Variants in IGSF3 observed in about 807,000 individuals in gnomAD.
IGSF3 encodes immunoglobulin superfamily member 3, also known as glu-Trp-Ile EWI motif-containing protein 3.
A neutral mutation model predicts 114.4 loss-of-function variants in IGSF3; 23 were observed. That is an observed-to-expected ratio of 0.20 (90% confidence interval 0.14 to 0.28). IGSF3 has a LOEUF of 0.28. IGSF3 is among the 10% of genes least tolerant of loss of function. The pLI is 1.00. For synonymous variants in IGSF3, 571 were observed against 645.2 expected (o/e 0.88, Z 1.74); for missense variants, 1,172 against 1,591.5 (o/e 0.74, Z 4.48).
In IGSF3 at chr1:116,642,565, C is replaced by A. The variant is rs1648157881; in HGVS notation, c.43+23719G>T. Among the ~76,000 whole-genome samples the A allele has an allele frequency of 6.6e-6, 1 of 152,176 alleles. No individual in the cohort carries two copies. The highest frequency in any genetic ancestry group is 2.4e-5 in the African/African-American group (1 of 41,434). On this transcript the variant is annotated intron_variant, in intron 2 of 10. Coordinates refer to ENST00000369486, the MANE Select transcript of IGSF3 (RefSeq NM_001007237.3). The surrounding 1 kb of genome is among the most constrained non-coding windows in gnomAD (Gnocchi z 5.4). Reference sequence around the variant, plus strand: ...GGCCTAGAACGGAGCTAAAAACTGTCATAGTGGTGGGAAGAAGCAGATTGG... The same window carrying A: ...GGCCTAGAACGGAGCTAAAAACTGTAATAGTGGTGGGAAGAAGCAGATTGG...
At chr1:116,613,742 A>G in intron 4 of IGSF3, 23 bp downstream of exon 4, 2 of 1,605,140 alleles carry the variant, frequency 1.2e-6, no homozygotes, top group Non-Finnish European at 1.7e-6. Context: ...AAAGGACAGG[A>G]CAAGAGGCTC....
chr1:116,657,848 T>A lies in IGSF3; in HGVS notation c.43+8436A>T, dbSNP rs1010679335. Among the ~76,000 whole-genome samples the A allele has an allele frequency of 6.6e-6, 1 of 151,956 alleles. No homozygotes were observed. Among genetic ancestry groups the A allele is most frequent in the African/African-American group, 2.4e-5 (1 of 41,342 alleles). ...TTAAATACACAAAAATAGCACCAAC[T>A]TAAGGCAAGCCTGGGCAAACTGCAC... On this transcript the variant is annotated intron_variant, in intron 2 of 10. Coordinates refer to ENST00000369486, the MANE Select transcript of IGSF3 (RefSeq NM_001007237.3). This position sits in a 1 kb window ranked among gnomAD's most constrained non-coding sequence, Gnocchi z 4.2.
chr1:116,616,039 T>G lies in IGSF3; in HGVS notation c.421+41A>C. On this transcript the variant is annotated intron_variant, in intron 3 of 10. Transcript: ENST00000369486. This position sits in a 1 kb window ranked among gnomAD's most constrained non-coding sequence, Gnocchi z 6.6. ...AAAATTACGCTACTAAAGAACTGAG[T>G]CAGGCCAGACGCTGGCAACGTGAAG... 2 of 1,545,918 alleles carry G rather than the reference T, an allele frequency of 1.3e-6. No individual in the cohort carries two copies. Among genetic ancestry groups the G allele is most frequent in the Non-Finnish European group, 1.8e-6 (2 of 1,135,040 alleles).
In IGSF3 at chr1:116,593,441, A is replaced by G. The variant is rs528836752; in HGVS notation, c.2030-4337T>C. Among the ~76,000 whole-genome samples, 9 of 152,330 alleles carry G rather than the reference A, an allele frequency of 5.9e-5. No individual in the cohort carries two copies. In the South Asian group the frequency reaches 6.2e-4, roughly 11 times the overall value. On this transcript the variant is annotated intron_variant, in intron 7 of 10. Coordinates refer to ENST00000369486, the MANE Select transcript of IGSF3 (RefSeq NM_001007237.3). The surrounding 1 kb of genome is among the most constrained non-coding windows in gnomAD (Gnocchi z 4.5). ...GACAACAGACAGTAATGCTAGAGAT[A>G]GAGGCGGCCAGTGGCTGCGGCAGGA... is the stretch of plus-strand genomic sequence containing the variant.
In IGSF3 at chr1:116,610,875, GGATGGGCTCTTT is replaced by G. The variant is rs1660994155; in HGVS notation, c.833-2556_833-2545del. Reference sequence around the variant, plus strand: ...GCATCTCTATCAGAGTCTACCTGATGGATGGGCTCTTTCATTAGAATTTACAAAAACAAAAGG... The same window carrying G: ...GCATCTCTATCAGAGTCTACCTGATGCATTAGAATTTACAAAAACAAAAGG... On this transcript the variant is annotated intron_variant, in intron 4 of 10. Coordinates refer to ENST00000369486, the MANE Select transcript of IGSF3 (RefSeq NM_001007237.3). This position sits in a 1 kb window ranked among gnomAD's most constrained non-coding sequence, Gnocchi z 4.3. Among the ~76,000 whole-genome samples the G allele has an allele frequency of 6.6e-6, 1 of 152,190 alleles. No individual in the cohort carries two copies. The highest frequency in any genetic ancestry group is 2.4e-5 in the African/African-American group (1 of 41,450).
chr1:116,589,167 C>T lies in IGSF3; in HGVS notation c.2030-63G>A. Reference sequence around the variant, plus strand: ...TCCCAGAAACGTGGCCCATCCACCTCCAGGCTCTGAGCCAGGTTTCCTCCA... The same window carrying T: ...TCCCAGAAACGTGGCCCATCCACCTTCAGGCTCTGAGCCAGGTTTCCTCCA... On this transcript the variant is annotated intron_variant, in intron 7 of 10. Transcript: ENST00000369486. The surrounding 1 kb of genome is among the most constrained non-coding windows in gnomAD (Gnocchi z 5.7). 1 of 1,496,028 alleles carries T rather than the reference C, an allele frequency of 6.7e-7. No individual in the cohort carries two copies. The highest frequency in any genetic ancestry group is 2.3e-5 in the East Asian group (1 of 44,168). 92.7% of individuals were successfully genotyped at this position (1,496,028 alleles called of 1,614,324 possible).
chr1:116,586,385 A>ATT (rs572206093), intron 8 of IGSF3, among the ~76,000 whole-genome samples: 185 of 149,940 alleles, frequency 1.2e-3, no homozygotes, highest in African/African-American at 4.4e-3. Flanking sequence ...TTTGGGGGGG[A>ATT]TTTTTGTGTG....
intron 2 of IGSF3, among the ~76,000 whole-genome samples, chr1:116,639,939 C>T (rs145097260): frequency 0.028 from 4,250 of 149,978 alleles, 205 homozygotes; most frequent in African/African-American, 0.098. Flanking sequence ...GAGGCTGAGG[C>T]AGGAGAATCA....
At chr1:116,586,188 G>A (rs1331270367) in intron 8 of IGSF3, among the ~76,000 whole-genome samples, 1 of 152,186 alleles carries the variant, frequency 6.6e-6, no homozygotes, top group Non-Finnish European at 1.5e-5. Context: ...AATACTGCCT[G>A]AATGTTTTAC....
Position 116,657,559 on chromosome 1 carries a change from T to TG in IGSF3, c.43+8724dup, listed in dbSNP as rs1272789851. ...GTGAACGATCATACTGGTTATCATG[T>TG]GGGAAAAAAGGTTTAATTACTCCCT... On this transcript the variant is annotated intron_variant, in intron 2 of 10. Transcript: ENST00000369486. The surrounding 1 kb of genome is among the most constrained non-coding windows in gnomAD (Gnocchi z 4.2). Among the ~76,000 whole-genome samples, 4 of 152,120 alleles carry TG rather than the reference T, an allele frequency of 2.6e-5. No homozygotes were observed. The highest frequency in any genetic ancestry group is 6.5e-5 in the Admixed American group (1 of 15,282).
At chr1:116,653,258 A>C (rs1648707263) in intron 2 of IGSF3, among the ~76,000 whole-genome samples, 1 of 152,240 alleles carries the variant, frequency 6.6e-6, no homozygotes, top group Non-Finnish European at 1.5e-5. Flanking sequence ...ATACATTTGC[A>C]AAAGGGAAAA....
In IGSF3 at chr1:116,661,215, C is replaced by T. The variant is rs556884570; in HGVS notation, c.43+5069G>A. Among the ~76,000 whole-genome samples the T allele has an allele frequency of 6.6e-6, 1 of 152,154 alleles. No individual in the cohort carries two copies. The highest frequency in any genetic ancestry group is 2.4e-5 in the African/African-American group (1 of 41,420). ...GGCTGAGGCAGGAGAATCGCGTGAA[C>T]CCAGCAGGCGGAGGTTACGGTGAGC... On this transcript the variant is annotated intron_variant, in intron 2 of 10. Coordinates refer to ENST00000369486, the MANE Select transcript of IGSF3 (RefSeq NM_001007237.3). The surrounding 1 kb of genome is among the most constrained non-coding windows in gnomAD (Gnocchi z 4.0).
At chr1:116,663,522 C>A (rs1649199647) in intron 2 of IGSF3, among the ~76,000 whole-genome samples, 1 of 151,078 alleles carries the variant, frequency 6.6e-6, no homozygotes, top group African/African-American at 2.4e-5. Flanking sequence ...GCCACCACAA[C>A]CCTTATTGGG....
chr1:116,590,563 C>T (rs946777617), intron 7 of IGSF3, among the ~76,000 whole-genome samples: 3 of 152,130 alleles, frequency 2.0e-5, no homozygotes, highest in Admixed American at 1.3e-4. Context: ...CTCCTCCAAC[C>T]GAGCTTGTGT....
At chr1:116,658,871 T>C (rs1039737514) in intron 2 of IGSF3, among the ~76,000 whole-genome samples, 7 of 152,214 alleles carry the variant, frequency 4.6e-5, no homozygotes, top group Non-Finnish European at 7.4e-5. Context: ...CATTTGCAAA[T>C]TGATTGACTG....
chr1:116,655,173 C>T lies in IGSF3; in HGVS notation c.43+11111G>A, dbSNP rs1053862875. On this transcript the variant is annotated intron_variant, in intron 2 of 10. Coordinates refer to ENST00000369486, the MANE Select transcript of IGSF3 (RefSeq NM_001007237.3). This position sits in a 1 kb window ranked among gnomAD's most constrained non-coding sequence, Gnocchi z 4.3. Reference sequence around the variant, plus strand: ...ATTTTAACTGTGAATTCTGTGGCACCGGAGATAACAGAACAATGAATGCTT... The same window carrying T: ...ATTTTAACTGTGAATTCTGTGGCACTGGAGATAACAGAACAATGAATGCTT... Among the ~76,000 whole-genome samples, 4 of 152,042 alleles carry T rather than the reference C, an allele frequency of 2.6e-5. No individual in the cohort carries two copies. Among genetic ancestry groups the T allele is most frequent in the Admixed American group, 6.6e-5 (1 of 15,262 alleles).
intron 2 of IGSF3, among the ~76,000 whole-genome samples, chr1:116,622,831 C>A (rs1456850003): frequency 6.6e-6 from 1 of 152,198 alleles, no homozygotes; most frequent in Non-Finnish European, 1.5e-5. Flanking sequence ...TTTTCTTATT[C>A]CATGGCTCAC....
rs1363176680 is a variant in IGSF3, at chr1:116,616,321, G to A, written c.180C>T (p.Tyr60=). Residue 60 remains tyrosine (Y), a synonymous_variant, in exon 3 of 11, where the codon TAC becomes TAT. Coordinates refer to ENST00000369486, the MANE Select transcript of IGSF3 (RefSeq NM_001007237.3). The surrounding 1 kb of genome is among the most constrained non-coding windows in gnomAD (Gnocchi z 6.6). ...CCTCTCGCTCTGGCGACGAAGGCAG[G>A]TAAATGGACCACTGGAAATTCTGCT... ...PSEQNFQWSI[Y]LPSSPEREVQ... is the part of the protein sequence containing the mutation. 6.2e-7 allele frequency: 1 copy of A among 1,612,196 alleles called. No homozygotes were observed. Among genetic ancestry groups the A allele is most frequent in the African/African-American group, 1.3e-5 (1 of 74,998 alleles).
rs200217715 is a variant in IGSF3, at chr1:116,589,069, G to A, written c.2065C>T (p.Leu689Phe). 108 of 1,614,058 alleles carry A rather than the reference G, an allele frequency of 6.7e-5. 1 individual carries two copies. In the East Asian group the frequency reaches 2.3e-3, roughly 35 times the overall value. ...ATGGGCTTGTTTTCCACCAGGGTGA[G>A]GGTCCTCTTCGATTTGCTCACCTGC... is the stretch of plus-strand genomic sequence containing the variant. ...KLQVSKSKRT[L>F]TLVENKPIQL... Residue 689 changes from leucine (L) to phenylalanine (F), a missense_variant, in exon 8 of 11, where the codon CTC (leucine) becomes TTC (phenylalanine). Leu to Phe is a conservative substitution (Grantham distance 22). This residue lies in a region of IGSF3 where 736 missense variants were observed against 1,042.0 expected (regional missense o/e 0.71). Coordinates refer to ENST00000369486, the MANE Select transcript of IGSF3 (RefSeq NM_001007237.3). This position sits in a 1 kb window ranked among gnomAD's most constrained non-coding sequence, Gnocchi z 5.7.
Sources: gnomAD v4.1 joint callset for allele counts (sites outside exome capture counted in the v4.1 genomes callset) on GRCh38, gnomAD v4.1.1 for gene constraint, gnomAD v4.1.1 regional missense constraint, Gnocchi (gnomAD v3.1) non-coding constraint, MANE v1.5 for transcripts, NCBI Gene and HGNC (gene_info 2026-07-23, HGNC 2026-07-21) for gene names.